Variants in RASSF6 observed in about 807,000 individuals in gnomAD.
The protein encoded by RASSF6 is Ras association domain family member 6.
A neutral mutation model predicts 44.0 loss-of-function variants in RASSF6; 52 were observed. The observed-to-expected ratio is 1.18, with a 90% CI of 0.95 to 1.49. The LOEUF (loss-of-function observed/expected upper bound fraction) is 1.49, where lower values mean the gene tolerates loss of function less well. Among genes scored for constraint, RASSF6 ranks in the 40% most tolerant of loss-of-function variants. The pLI is 0.00. For missense variants in RASSF6, 464 were observed against 393.3 expected (o/e 1.18, Z -1.52); for synonymous variants, 162 against 124.6 (o/e 1.30, Z -2.00).
At chr4:73,620,261 GT>G (rs1361267362) in intron 1 of RASSF6, 26 bp downstream of exon 1, 10 of 1,378,888 alleles carry the variant, frequency 7.3e-6, no homozygotes, top group South Asian at 1.7e-5. Context: ...GGATTAGAAA[GT>G]TTTTTTCCCC....
intron 2 of RASSF6, among the ~76,000 whole-genome samples, chr4:73,610,801 C>T (rs911983341): frequency 6.6e-6 from 1 of 152,130 alleles, no homozygotes; most frequent in Non-Finnish European, 1.5e-5. Context: ...GACTGCATCC[C>T]GACTTTATGA....
chr4:73,583,167 A>G (rs1723804584), intron 6 of RASSF6, among the ~76,000 whole-genome samples: 2 of 152,118 alleles, frequency 1.3e-5, no homozygotes, highest in African/African-American at 4.8e-5. Context: ...GTGCCCACTA[A>G]ATGCCCACGA....
intron 8 of RASSF6, among the ~76,000 whole-genome samples, chr4:73,577,213 T>C (rs1723292527): frequency 6.6e-6 from 1 of 152,172 alleles, no homozygotes; most frequent in African/African-American, 2.4e-5. Context: ...TTCATGAGGT[T>C]TTTGAGATCA....
chr4:73,598,610 C>T (rs1336353811), intron 3 of RASSF6, 30 bp downstream of exon 3: 11 of 1,193,196 alleles, frequency 9.2e-6, no homozygotes, highest in Non-Finnish European at 9.7e-6. Context: ...GTGTGAATAA[C>T]ACCGGATTGC....
chr4:73,602,590 C>G (rs76766641), intron 2 of RASSF6, among the ~76,000 whole-genome samples: 13 of 152,254 alleles, frequency 8.5e-5, no homozygotes, highest in African/African-American at 2.9e-4. Context: ...TAGGGTCCAC[C>G]TGTTACATGC....
At position 73,598,685 on chromosome 4, in the gene RASSF6, G is replaced by A. The variant is rs932683061; in HGVS notation, c.99C>T (p.Asn33=). ...EQLNSLLKTY[N]IFYENQKNLH... is the part of the protein sequence containing the mutation. Reference sequence around the variant, plus strand: ...GATTTTTCTGGTTCTCATAAAAAATGTTATAGGTCTTCAATAAAGAATTAA... The same window carrying A: ...GATTTTTCTGGTTCTCATAAAAAATATTATAGGTCTTCAATAAAGAATTAA... The change falls in exon 3 of 11, where the codon AAC becomes AAT. Residue 33 remains asparagine (N), a synonymous_variant. Coordinates refer to ENST00000307439, the MANE Select transcript of RASSF6 (RefSeq NM_177532.5). The A allele has an allele frequency of 6.6e-7, 1 of 1,512,332 alleles. No individual in the cohort carries two copies. Among genetic ancestry groups the A allele is most frequent in the Non-Finnish European group, 9.0e-7 (1 of 1,108,296 alleles). 93.7% of individuals were successfully genotyped at this position (1,512,332 alleles called of 1,614,324 possible). A position where few individuals can be genotyped will look rare whatever the true frequency, so the allele number is the denominator to read the frequency against.
At chr4:73,612,498 A>ATTTT (rs1726089342) in intron 1 of RASSF6, among the ~76,000 whole-genome samples, 3 of 1,192 alleles carry the variant, frequency 2.5e-3, no homozygotes, top group Admixed American at 0.024. Context: ...TTTTTTTTAA[A>ATTTT]AAAAAAAACG....
At chr4:73,584,191 C>T (rs1397650804) in intron 6 of RASSF6, among the ~76,000 whole-genome samples, 1 of 151,938 alleles carries the variant, frequency 6.6e-6, no homozygotes, top group Non-Finnish European at 1.5e-5. Context: ...CACCAGGCTC[C>T]AAAGACACAC....
rs1227833295 is a variant in RASSF6, at chr4:73,571,693, TCAATTTTTATTGAGCA to T, written c.*4526_*4541del. The T allele has an allele frequency of 2.0e-5, 3 of 152,064 alleles. No homozygotes were observed. The highest frequency in any genetic ancestry group is 2.0e-4 in the Admixed American group (3 of 15,248). 9.4% of individuals were successfully genotyped at this position (152,064 alleles called of 1,614,324 possible). On this transcript the variant is annotated 3_prime_UTR_variant, in exon 11 of 11. Transcript: ENST00000307439. Reference sequence around the variant, plus strand: ...TTCTTTCATTCACTTATTTATTCAATCAATTTTTATTGAGCACATCCTACGCACAAGACACAATATT... The same window carrying T: ...TTCTTTCATTCACTTATTTATTCAATCATCCTACGCACAAGACACAATATT...
chr4:73,620,554 C>T, upstream of RASSF6: 1 of 1,305,112 alleles, frequency 7.7e-7, no homozygotes, highest in Non-Finnish European at 1.0e-6. Flanking sequence ...CCTGGAGCCC[C>T]AGGAGCTGTT....
chr4:73,610,728 C>G (rs956537383), intron 2 of RASSF6, among the ~76,000 whole-genome samples: 1 of 152,198 alleles, frequency 6.6e-6, no homozygotes, highest in Admixed American at 6.5e-5. Flanking sequence ...GCAATCAGAA[C>G]CCTTTCCGCT....
At chr4:73,578,183 C>T (rs759928031) in intron 8 of RASSF6, among the ~76,000 whole-genome samples, 76 of 152,084 alleles carry the variant, frequency 5.0e-4, no homozygotes, top group Non-Finnish European at 9.0e-4. Flanking sequence ...CACGCTTGTT[C>T]GTTCATAGGT....
intron 2 of RASSF6, among the ~76,000 whole-genome samples, chr4:73,611,109 A>G (rs1472559548): frequency 6.6e-6 from 1 of 151,816 alleles, no homozygotes; most frequent in Non-Finnish European, 1.5e-5. Flanking sequence ...TCCACCCCCC[A>G]TAAGATTTGG....
At chr4:73,617,934 T>C (rs373955646) in intron 1 of RASSF6, among the ~76,000 whole-genome samples, 12 of 152,272 alleles carry the variant, frequency 7.9e-5, no homozygotes, top group African/African-American at 2.6e-4. Context: ...TAACCGTGAA[T>C]TCCCCACCTA....
At chr4:73,610,471 G>T (rs912707341) in intron 2 of RASSF6, among the ~76,000 whole-genome samples, 1 of 152,122 alleles carries the variant, frequency 6.6e-6, no homozygotes, top group Admixed American at 6.5e-5. Flanking sequence ...GAAAGATCAA[G>T]CCTCATAATG....
intron 1 of RASSF6, among the ~76,000 whole-genome samples, 194 bp from the exon 2 acceptor site, chr4:73,612,023 C>T (rs1726050660): frequency 6.6e-6 from 1 of 152,036 alleles, no homozygotes; most frequent in African/African-American, 2.4e-5. Flanking sequence ...ACAGTAACTC[C>T]AGACACGGAT....
At chr4:73,600,602 ATTTATAT>A (rs1320121301) in intron 2 of RASSF6, among the ~76,000 whole-genome samples, 1 of 152,166 alleles carries the variant, frequency 6.6e-6, no homozygotes, top group Non-Finnish European at 1.5e-5. Context: ...GAATGACAGA[ATTTATAT>A]ATACTGACTG....
intron 7 of RASSF6, 84 bp from the exon 8 acceptor site, chr4:73,581,952 T>C (rs1723685731): frequency 2.0e-6 from 2 of 997,284 alleles, no homozygotes; most frequent in African/African-American, 1.6e-5. Context: ...ATCATGTCTG[T>C]TTTCTCTCTT....
At chr4:73,595,493 C>T (rs1054932621) in intron 3 of RASSF6, among the ~76,000 whole-genome samples, 1 of 152,164 alleles carries the variant, frequency 6.6e-6, no homozygotes, top group Non-Finnish European at 1.5e-5. Context: ...GCCACAGCAC[C>T]TGACCTGAAT....
Sources: allele counts gnomAD v4.1 joint callset (sites outside exome capture counted in the v4.1 genomes callset), GRCh38; gene constraint gnomAD v4.1.1; transcripts MANE v1.5; gene names NCBI Gene and HGNC (gene_info 2026-07-23, HGNC 2026-07-21).